PLAC1: variants seen among roughly 807,000 people sequenced by gnomAD.
PLAC1 encodes placenta associated 1, also known as placenta-specific protein 1.
For synonymous variants in PLAC1, 68 were observed against 62.1 expected (o/e 1.09, Z -0.44); for missense variants, 136 against 163.2 (o/e 0.83, Z 0.91).
chrX:134,588,871 A>G (rs1043179419), intron 2 of PLAC1, among the ~76,000 whole-genome samples: 3 of 111,632 alleles, frequency 2.7e-5, no homozygotes, highest in African/African-American at 9.8e-5. Context: ...TGGATACTGA[A>G]CATGGAACTC....
At chrX:134,683,131 A>G (rs757023889) in intron 2 of PLAC1, among the ~76,000 whole-genome samples, 2 of 111,856 alleles carry the variant, frequency 1.8e-5, no homozygotes, top group Non-Finnish European at 3.8e-5. Flanking sequence ...AAGTCTCAGT[A>G]CACAAAGAAA....
chrX:134,759,880 TAG>T (rs1369029088), intron 1 of PLAC1, among the ~76,000 whole-genome samples: 1 of 111,435 alleles, frequency 9.0e-6, no homozygotes, highest in East Asian at 2.8e-4. Context: ...CATATGTAGA[TAG>T]AGAGTGGACA....
chrX:134,638,190 A>G (rs2078292015), intron 1 of PLAC1, among the ~76,000 whole-genome samples: 1 of 112,538 alleles, frequency 8.9e-6, no homozygotes, highest in Non-Finnish European at 1.9e-5. Flanking sequence ...GTCATTGACC[A>G]CACAAATAGC....
chrX:134,667,303 T>C (rs1216874847), intron 2 of PLAC1, among the ~76,000 whole-genome samples: 1 of 112,124 alleles, frequency 8.9e-6, no homozygotes, highest in African/African-American at 3.2e-5. Context: ...CTAGATTACA[T>C]GCAAAACACT....
chrX:134,585,175 C>CAAAAAAA lies in PLAC1; in HGVS notation c.-59+16869_-59+16875dup, dbSNP rs56343935. 3.9e-4 allele frequency among the ~76,000 whole-genome samples: 13 copies of CAAAAAAA among 33,490 alleles called. 1 individual carries two copies. Among genetic ancestry groups the CAAAAAAA allele is most frequent in the East Asian group, 1.2e-3 (1 of 815 alleles). The allele number at this position is 33,490 out of a possible 115,157, so 29.1% of individuals were successfully genotyped here. A position where few individuals can be genotyped will look rare whatever the true frequency, so the allele number is the denominator to read the frequency against. On this transcript the variant is annotated intron_variant, in intron 2 of 2. Coordinates refer to ENST00000359237, the MANE Select transcript of PLAC1 (RefSeq NM_021796.4). The stretch of plus-strand genomic sequence containing the variant: ...TGAAACCCTGTCTCCACTAAAAGTA[C>CAAAAAAA]AAAAAAAAAAAAAAAAAAAAAAAAG...
chrX:134,588,290 T>TTTTATTTATTTTATTTA (rs1556046907), intron 2 of PLAC1, among the ~76,000 whole-genome samples: 2 of 74,656 alleles, frequency 2.7e-5, no homozygotes, highest in African/African-American at 4.3e-5. Context: ...GAACTCTTTA[T>TTTTATTTATTTTATTTA]TTTATTTATT....
At chrX:134,651,138 C>T in intron 1 of PLAC1, 1 of 272,744 alleles carries the variant, frequency 3.7e-6, no homozygotes, top group Non-Finnish European at 7.5e-6. Context: ...TCTGCCTAAG[C>T]CAACTTGAAA....
chrX:134,611,555 G>GTATATATATGCATATATACATATGTA (rs2078153496), intron 1 of PLAC1, among the ~76,000 whole-genome samples: 2 of 105,471 alleles, frequency 1.9e-5, no homozygotes, highest in Non-Finnish European at 3.9e-5. Context: ...ATACACATAT[G>GTATATATATGCATATATACATATGTA]TATATATATG....
chrX:134,747,723 T>C (rs745373118), intron 1 of PLAC1, among the ~76,000 whole-genome samples: 5 of 111,813 alleles, frequency 4.5e-5, no homozygotes, highest in Non-Finnish European at 7.5e-5. Context: ...TTCATAATGA[T>C]GATAATGCCA....
In PLAC1 at chrX:134,731,360, G is replaced by T. The variant is rs181735123; in HGVS notation, n.174+2075C>A. ...GCTCAATATAAAATGCTCAACTTTTGAAGGTGAATAAATGAGCAATGGTTG... is the reference window on the plus strand; with the variant it reads ...GCTCAATATAAAATGCTCAACTTTTTAAGGTGAATAAATGAGCAATGGTTG... On this transcript the variant is annotated intron_variant and non_coding_transcript_variant, in intron 2 of 2. Coordinates refer to the PLAC1 transcript ENST00000466797. 4.3e-3 allele frequency among the ~76,000 whole-genome samples: 481 copies of T among 112,548 alleles called. 1 individual carries two copies. Among genetic ancestry groups the T allele is most frequent in the African/African-American group, 0.015 (456 of 31,005 alleles).
At chrX:134,578,286 G>A (rs1369911034) in intron 2 of PLAC1, among the ~76,000 whole-genome samples, 3 of 107,619 alleles carry the variant, frequency 2.8e-5, no homozygotes, top group African/African-American at 1.0e-4. Context: ...GGTGGCGGGC[G>A]CCTGTAGTCC....
intron 2 of PLAC1, among the ~76,000 whole-genome samples, chrX:134,585,584 G>A (rs1404272651): frequency 4.5e-5 from 5 of 110,712 alleles, no homozygotes; most frequent in African/African-American, 6.6e-5. Context: ...TTCCAAAGTG[G>A]GCAACTCCAG....
intron 1 of PLAC1, among the ~76,000 whole-genome samples, chrX:134,624,272 A>G (rs2078224789): frequency 8.9e-6 from 1 of 112,158 alleles, no homozygotes; most frequent in African/African-American, 3.2e-5. Flanking sequence ...ATGAGCTTCA[A>G]ATGCACTGAG....
intron 1 of PLAC1, among the ~76,000 whole-genome samples, chrX:134,630,887 C>T (rs2078257773): frequency 8.9e-6 from 1 of 111,802 alleles, no homozygotes; most frequent in Non-Finnish European, 1.9e-5. Context: ...TTCTAAAAAG[C>T]AGTAGCTGCT....
intron 2 of PLAC1, among the ~76,000 whole-genome samples, chrX:134,588,833 C>T (rs751770505): frequency 4.5e-5 from 5 of 111,209 alleles, no homozygotes; most frequent in Non-Finnish European, 7.5e-5. Context: ...GCAACAGCTC[C>T]GGTGTCAGGT....
chrX:134,623,981 C>G (rs966749617), intron 1 of PLAC1, among the ~76,000 whole-genome samples: 1 of 111,522 alleles, frequency 9.0e-6, no homozygotes, highest in African/African-American at 3.3e-5. Context: ...TTAGATTTAT[C>G]AAGTGTCAGA....
At chrX:134,578,620 C>T (rs112157866) in intron 2 of PLAC1, among the ~76,000 whole-genome samples, 3,362 of 100,941 alleles carry the variant, frequency 0.033, 100 homozygotes, top group African/African-American at 0.096. Context: ...TGGGCTCAAG[C>T]GATCCTCCTG....
At chrX:134,700,353 A>C (rs2078578616) in intron 2 of PLAC1, among the ~76,000 whole-genome samples, 1 of 111,896 alleles carries the variant, frequency 8.9e-6, no homozygotes, top group East Asian at 2.8e-4. Context: ...TAACTTCTTT[A>C]CTCATTACTC....
intron 1 of PLAC1, among the ~76,000 whole-genome samples, chrX:134,617,039 A>T (rs751275485): frequency 9.3e-6 from 1 of 107,593 alleles, no homozygotes; most frequent in African/African-American, 3.4e-5. Flanking sequence ...CCCAGTCAGG[A>T]GTGCACTGGC....
Sources: allele counts gnomAD v4.1 joint callset (sites outside exome capture counted in the v4.1 genomes callset), GRCh38; gene constraint gnomAD v4.1.1; transcripts MANE v1.5; gene names NCBI Gene and HGNC (gene_info 2026-07-23, HGNC 2026-07-21).